The following ABCG1 variants were observed in gnomAD, a reference collection of about 807,000 sequenced individuals.
The protein encoded by ABCG1 is ATP-binding cassette sub-family G member 1.
A neutral mutation model predicts 69.2 loss-of-function variants in ABCG1; 29 were observed. The ratio of observed to expected loss-of-function variants is 0.42; its 90% confidence interval spans 0.31 to 0.57. The LOEUF (loss-of-function observed/expected upper bound fraction) is 0.57, where lower values mean the gene tolerates loss of function less well. ABCG1 is among the 20% of genes least tolerant of loss of function. ABCG1 has a pLI of 0.15. For missense variants in ABCG1, 718 were observed against 898.1 expected (o/e 0.80, Z 2.56); for synonymous variants, 370 against 374.8 (o/e 0.99, Z 0.15).
intron 2 of ABCG1, among the ~76,000 whole-genome samples, chr21:42,243,457 T>TGC (rs2068083880): frequency 2.7e-5 from 4 of 147,540 alleles, no homozygotes; most frequent in African/African-American, 1.0e-4. Context: ...CGTGTGTGTG[T>TGC]GTGTGTGTGT....
chr21:42,279,386 G>A (rs181323769), intron 5 of ABCG1, among the ~76,000 whole-genome samples: 36 of 152,284 alleles, frequency 2.4e-4, no homozygotes, highest in African/African-American at 7.7e-4. Context: ...GGCGGAGGGC[G>A]GAGAGACTTG....
intron 5 of ABCG1, among the ~76,000 whole-genome samples, chr21:42,278,221 T>C (rs2068744100): frequency 1.3e-5 from 2 of 152,176 alleles, no homozygotes; most frequent in South Asian, 2.1e-4. Context: ...CTTGTGAGTT[T>C]ATTGTCTAGG....
intron 8 of ABCG1, among the ~76,000 whole-genome samples, chr21:42,286,471 C>A (rs2146330425): frequency 6.6e-6 from 1 of 151,930 alleles, no homozygotes; most frequent in East Asian, 2.0e-4. Context: ...CACACTATTT[C>A]CCAAATTGTG....
chr21:42,234,266 C>A (rs1436101946), intron 2 of ABCG1, among the ~76,000 whole-genome samples: 1 of 152,112 alleles, frequency 6.6e-6, no homozygotes, highest in Non-Finnish European at 1.5e-5. Context: ...AACTCCCTGC[C>A]TCTATAAGCG....
intron 2 of ABCG1, among the ~76,000 whole-genome samples, chr21:42,264,733 G>A (rs1252313435): frequency 1.3e-5 from 2 of 151,976 alleles, no homozygotes; most frequent in African/African-American, 2.4e-5. Context: ...AGGAGAGAGG[G>A]AAGGAGGTGG....
rs2068962370 is a variant in ABCG1, at chr21:42,287,401, C to T, written c.974-488C>T. On this transcript the variant is annotated intron_variant, in intron 8 of 14. Coordinates refer to ENST00000398449, the MANE Select transcript of ABCG1 (RefSeq NM_016818.3). The surrounding 1 kb of genome is among the most constrained non-coding windows in gnomAD (Gnocchi z 6.2). ...GTGCAGGTTGAGGGTCCCAGGACCT[C>T]CAAGTCCCCAGGGTGCCAGCCACTC... Among the ~76,000 whole-genome samples the T allele has an allele frequency of 6.6e-6, 1 of 152,158 alleles. No homozygotes were observed. Among genetic ancestry groups the T allele is most frequent in the South Asian group, 2.1e-4 (1 of 4,826 alleles).
intron 7 of ABCG1, among the ~76,000 whole-genome samples, chr21:42,285,036 G>A (rs867169520): frequency 4.6e-5 from 7 of 152,068 alleles, no homozygotes; most frequent in Non-Finnish European, 1.0e-4. Flanking sequence ...AGTGGAAGCT[G>A]GTGAGCAGAG....
chr21:42,241,804 G>C (rs1357076459), intron 2 of ABCG1, among the ~76,000 whole-genome samples: 1 of 141,210 alleles, frequency 7.1e-6, no homozygotes, highest in Non-Finnish European at 1.5e-5. Context: ...CTGGGCATCA[G>C]AGACCCTATC....
intron 13 of ABCG1, among the ~76,000 whole-genome samples, chr21:42,292,507 C>T (rs112268912): frequency 0.035 from 5,298 of 152,100 alleles, 98 homozygotes; most frequent in Non-Finnish European, 0.037. Context: ...ACTCAGGCTC[C>T]GCAGGGGTCA....
At position 42,291,909 on chromosome 21, in the gene ABCG1, T is replaced by TC. The variant is rs2069069432; in HGVS notation, c.1653+255dup. Among the ~76,000 whole-genome samples, 1 of 152,148 alleles carries TC rather than the reference T, an allele frequency of 6.6e-6. No homozygotes were observed. Among genetic ancestry groups the TC allele is most frequent in the African/African-American group, 2.4e-5 (1 of 41,418 alleles). Reference sequence around the variant, plus strand: ...TTCCCAGCGCTTCCCAGATCTGAGCTCCTGTAGCCCCAAGCACAGCCACGC... The same window carrying TC: ...TTCCCAGCGCTTCCCAGATCTGAGCTCCCTGTAGCCCCAAGCACAGCCACGC... On this transcript the variant is annotated intron_variant, in intron 13 of 14. Coordinates refer to ENST00000398449, the MANE Select transcript of ABCG1 (RefSeq NM_016818.3). The surrounding 1 kb of genome is among the most constrained non-coding windows in gnomAD (Gnocchi z 6.4).
intron 2 of ABCG1, among the ~76,000 whole-genome samples, chr21:42,204,881 A>C (rs866117553): frequency 1.2e-4 from 19 of 152,298 alleles, no homozygotes; most frequent in African/African-American, 4.6e-4. Context: ...TAACTAAATA[A>C]AATGAATTGA....
upstream of ABCG1, among the ~76,000 whole-genome samples, chr21:42,215,116 C>A (rs2067625948): frequency 6.6e-6 from 1 of 152,190 alleles, no homozygotes; most frequent in Admixed American, 6.5e-5. Flanking sequence ...GCAGGGGAAC[C>A]AGGGATTCAG....
rs1328444561 is a variant in ABCG1, at chr21:42,206,383, T to TAAATAAAC, written c.48+4663_48+4664insTAAACAAA. Among the ~76,000 whole-genome samples, 175 of 144,422 alleles carry TAAATAAAC rather than the reference T, an allele frequency of 1.2e-3. 2 individuals are homozygous for TAAATAAAC. Among genetic ancestry groups the TAAATAAAC allele is most frequent in the Admixed American group, 4.1e-3 (60 of 14,630 alleles). The allele number at this position is 144,422 out of a possible 152,430, so 94.7% of individuals were successfully genotyped here. A position where few individuals can be genotyped will look rare whatever the true frequency, so the allele number is the denominator to read the frequency against. ...ATAAATAAATAAATAAATAAATAAA[T>TAAATAAAC]AAACAAACAAACAAACAAACACAAT... On this transcript the variant is annotated intron_variant, in intron 2 of 15. Transcript: ENST00000398457.
chr21:42,232,735 G>A (rs1404085062), intron 2 of ABCG1, among the ~76,000 whole-genome samples: 1 of 152,176 alleles, frequency 6.6e-6, no homozygotes, highest in African/African-American at 2.4e-5. Context: ...TCAAATGGAG[G>A]CCCTCCCTAT....
At chr21:42,290,928 C>T (rs761068922) in intron 11 of ABCG1, among the ~76,000 whole-genome samples, 164 bp from the exon 12 acceptor site, 5 of 152,304 alleles carry the variant, frequency 3.3e-5, no homozygotes, top group South Asian at 2.1e-4. Flanking sequence ...AAACGGGTGG[C>T]GTTTTTCAGG....
intron 2 of ABCG1, among the ~76,000 whole-genome samples, chr21:42,210,563 C>T (rs534806532): frequency 6.6e-6 from 1 of 152,204 alleles, no homozygotes; most frequent in Non-Finnish European, 1.5e-5. Flanking sequence ...CTCTTGATTC[C>T]ATGCTAATGG....
chr21:42,289,393 C>T (rs1303120961), intron 10 of ABCG1, among the ~76,000 whole-genome samples: 1 of 152,208 alleles, frequency 6.6e-6, no homozygotes, highest in African/African-American at 2.4e-5. Context: ...ATCACTTGCA[C>T]TCACATGCCA....
chr21:42,231,736 T>G (rs13049646), intron 2 of ABCG1, among the ~76,000 whole-genome samples: 3,802 of 152,132 alleles, frequency 0.025, 63 homozygotes, highest in Middle Eastern at 0.041. Context: ...GGCTAGGGGT[T>G]TTGAGAGGGG....
chr21:42,295,895 A>T (rs942234327), intron 14 of ABCG1, among the ~76,000 whole-genome samples: 5 of 152,160 alleles, frequency 3.3e-5, no homozygotes, highest in African/African-American at 1.2e-4. Context: ...AGTGCATTTC[A>T]CCAGTGAATA....
Sources: allele counts gnomAD v4.1 joint callset (sites outside exome capture counted in the v4.1 genomes callset), GRCh38; gene constraint gnomAD v4.1.1; non-coding constraint Gnocchi (gnomAD v3.1); transcripts MANE v1.5; gene names NCBI Gene and HGNC (gene_info 2026-07-23, HGNC 2026-07-21).